EPB41L2: variants seen among roughly 807,000 people sequenced by gnomAD.
EPB41L2 encodes the protein band 4.1-like protein 2.
Under a neutral mutation model 113.0 loss-of-function variants are expected in EPB41L2, and 43 were observed. The observed-to-expected ratio is 0.38, with a 90% CI of 0.30 to 0.49. The LOEUF (loss-of-function observed/expected upper bound fraction) is 0.49. Among genes scored for constraint, EPB41L2 ranks in the 20% least tolerant of loss-of-function variants. The pLI is 0.95. For missense variants in EPB41L2, 1,147 were observed against 1,223.4 expected, an observed-to-expected ratio of 0.94 and a Z score of 0.93; for synonymous variants, 442 against 436.7, an observed-to-expected ratio of 1.01 and a Z score of -0.15.
rs1432430424 is a variant in EPB41L2 at position 130,840,174 on chromosome 6, T to A, written c.*430A>T. 1 of 152,568 alleles carries A rather than the reference T, an allele frequency of 6.6e-6. No homozygotes were observed. Among genetic ancestry groups the A allele is most frequent in the African/African-American group, 2.4e-5 (1 of 41,462 alleles). 9.5% of individuals were successfully genotyped at this position (152,568 alleles called of 1,614,324 possible). On this transcript the variant is annotated 3_prime_UTR_variant, in exon 20 of 20. Coordinates refer to ENST00000337057, the MANE Select transcript of EPB41L2 (RefSeq NM_001431.4). ...GAATCCAGAAGAAGGAAAGCCACTA[T>A]CTAAATTAGTCACAGAGTTTCCTTT...
At chr6:131,051,468 ACACAC>A (rs1562803519) in intron 1 of EPB41L2, among the ~76,000 whole-genome samples, 1 of 137,006 alleles carries the variant, frequency 7.3e-6, no homozygotes, top group Non-Finnish European at 1.6e-5. Flanking sequence ...AAAAAAAAAC[ACACAC>A]ACACACACAC....
At chr6:131,034,037 A>G (rs1792790603) in intron 1 of EPB41L2, among the ~76,000 whole-genome samples, 1 of 152,246 alleles carries the variant, frequency 6.6e-6, no homozygotes. Flanking sequence ...ACCAACAATT[A>G]CTTGAAGACA....
At chr6:130,899,803 C>T (rs570136950) in intron 7 of EPB41L2, among the ~76,000 whole-genome samples, 31 of 152,154 alleles carry the variant, frequency 2.0e-4, no homozygotes, top group Non-Finnish European at 3.7e-4. Flanking sequence ...TACCTCCACT[C>T]TTACCCATTT....
At chr6:131,004,601 G>A (rs1435519059) in intron 1 of EPB41L2, among the ~76,000 whole-genome samples, 1 of 152,152 alleles carries the variant, frequency 6.6e-6, no homozygotes, top group Non-Finnish European at 1.5e-5. Flanking sequence ...CTCTCCAGAG[G>A]AAGAAGTGCA....
chr6:130,887,627 ACCTTAT>A (rs1261615296), intron 11 of EPB41L2, among the ~76,000 whole-genome samples: 4 of 151,896 alleles, frequency 2.6e-5, no homozygotes, highest in African/African-American at 9.7e-5. Flanking sequence ...GCTCTCCCTC[ACCTTAT>A]AGCTTCATCG....
At chr6:130,950,681 A>C (rs969403174) in intron 3 of EPB41L2, among the ~76,000 whole-genome samples, 2 of 152,224 alleles carry the variant, frequency 1.3e-5, no homozygotes, top group African/African-American at 4.8e-5. Context: ...CAACTTTATG[A>C]GGATAGAATA....
intron 14 of EPB41L2, chr6:130,872,273 A>G (rs1785974536): frequency 7.6e-6 from 7 of 916,400 alleles, no homozygotes; most frequent in African/African-American, 3.5e-5. Flanking sequence ...AATTTCACCA[A>G]TGAAAGCACT....
chr6:130,888,655 G>C (rs894324241), intron 11 of EPB41L2, among the ~76,000 whole-genome samples: 32 of 152,124 alleles, frequency 2.1e-4, no homozygotes, highest in African/African-American at 7.7e-4. Flanking sequence ...GCATTTATTC[G>C]GCACTTGTAT....
At chr6:130,994,964 T>A (rs1323122146) in intron 1 of EPB41L2, among the ~76,000 whole-genome samples, 1 of 149,452 alleles carries the variant, frequency 6.7e-6, no homozygotes, top group East Asian at 1.9e-4. Context: ...TGCTTCAAGT[T>A]GTCCCACCCC....
At chr6:130,912,309 T>C (rs1046383294) in intron 4 of EPB41L2, among the ~76,000 whole-genome samples, 2 of 152,344 alleles carry the variant, frequency 1.3e-5, no homozygotes, top group Admixed American at 1.3e-4. Context: ...TGCTTATTAG[T>C]ACACAGAAAA....
intron 1 of EPB41L2, among the ~76,000 whole-genome samples, chr6:130,966,809 C>T (rs1775331041): frequency 6.6e-6 from 1 of 152,134 alleles, no homozygotes; most frequent in South Asian, 2.1e-4. Flanking sequence ...TGCCAATTTG[C>T]CTTGTCACAC....
intron 1 of EPB41L2, among the ~76,000 whole-genome samples, chr6:130,974,600 G>A (rs1007205157): frequency 6.6e-6 from 1 of 151,076 alleles, no homozygotes; most frequent in Admixed American, 6.6e-5. Flanking sequence ...TAGAGAAATT[G>A]AATCTCAAAC....
At chr6:130,929,382 T>A (rs1258854838) in intron 3 of EPB41L2, among the ~76,000 whole-genome samples, 1 of 152,186 alleles carries the variant, frequency 6.6e-6, no homozygotes, top group Non-Finnish European at 1.5e-5. Context: ...CGGATGTTTA[T>A]AGAGACTGAG....
intron 14 of EPB41L2, among the ~76,000 whole-genome samples, chr6:130,873,016 C>T (rs1192887266): frequency 1.3e-5 from 2 of 152,118 alleles, no homozygotes; most frequent in African/African-American, 2.4e-5. Context: ...CTGAGGCCCA[C>T]TTCATAGTCT....
At chr6:130,946,622 AG>A (rs1286819079) in intron 3 of EPB41L2, among the ~76,000 whole-genome samples, 1 of 152,176 alleles carries the variant, frequency 6.6e-6, no homozygotes, top group Non-Finnish European at 1.5e-5. Context: ...AGCCATAAAA[AG>A]TAGAGGATGA....
intron 1 of EPB41L2, among the ~76,000 whole-genome samples, chr6:130,976,331 GTT>G (rs1778194373): frequency 6.6e-6 from 1 of 152,162 alleles, no homozygotes; most frequent in African/African-American, 2.4e-5. Flanking sequence ...ACATACCACA[GTT>G]TAACTTCTCT....
intron 13 of EPB41L2, chr6:130,878,755 C>G (rs983046255): frequency 6.6e-6 from 1 of 152,322 alleles, no homozygotes; most frequent in African/African-American, 2.4e-5. Context: ...AAAGCCAGAC[C>G]AGGATCAACC....
chr6:130,965,891 G>C (rs1775012455), intron 1 of EPB41L2, among the ~76,000 whole-genome samples: 1 of 152,134 alleles, frequency 6.6e-6, no homozygotes, highest in Admixed American at 6.6e-5. Flanking sequence ...AATTCCAAAT[G>C]TGTCCACACT....
At chr6:130,884,954 T>C (rs773923191) in intron 12 of EPB41L2, 142 bp downstream of exon 12, 4 of 888,166 alleles carry the variant, frequency 4.5e-6, no homozygotes, top group Non-Finnish European at 7.0e-6. Context: ...GAGACCACTA[T>C]GCATATTTGA....
Sources: gnomAD v4.1 joint callset for allele counts (sites outside exome capture counted in the v4.1 genomes callset) on GRCh38, gnomAD v4.1.1 for gene constraint, MANE v1.5 for transcripts, NCBI Gene and HGNC (gene_info 2026-07-23, HGNC 2026-07-21) for gene names.